DNAJC21: variants seen among roughly 807,000 people sequenced by gnomAD.
DNAJC21 encodes the protein dnaJ homolog subfamily C member 21.
Under a neutral mutation model 72.4 loss-of-function variants are expected in DNAJC21, and 63 were observed. The ratio of observed to expected loss-of-function variants is 0.87; its 90% CI spans 0.71 to 1.07. DNAJC21 has a LOEUF of 1.07. Ranked by LOEUF, DNAJC21 falls within the 50% of genes least tolerant of loss-of-function variation. The pLI is 0.00. For synonymous variants in DNAJC21, 203 were observed against 216.7 expected, an observed-to-expected ratio of 0.94 and a Z score of 0.56; for missense variants, 634 against 644.8, an observed-to-expected ratio of 0.98 and a Z score of 0.18.
At chr5:34,950,580 G>A (rs965925713) in intron 10 of DNAJC21, 28 of 1,135,310 alleles carry the variant, frequency 2.5e-5, no homozygotes, top group Non-Finnish European at 3.0e-5. Context: ...TCAGAAAGAT[G>A]TCACTTTGAT....
chr5:34,953,169 T>G (rs1765433418), intron 10 of DNAJC21, among the ~76,000 whole-genome samples: 1 of 152,046 alleles, frequency 6.6e-6, no homozygotes, highest in Non-Finnish European at 1.5e-5. Context: ...GTTAATGTTT[T>G]TGGGGAACCA....
Position 34,937,576 on chromosome 5 carries a change from A to C in DNAJC21, c.689A>C (p.Glu230Ala), listed in dbSNP as rs761103607. The C allele has an allele frequency of 6.2e-7, 1 of 1,613,948 alleles. No homozygotes were observed. Among genetic ancestry groups the C allele is most frequent in the African/African-American group, 1.3e-5 (1 of 75,044 alleles). Residue 230 changes from glutamate to alanine, a missense_variant, in exon 5 of 12, where the codon GAG becomes GCG. Glu to Ala is a moderately radical substitution (Grantham distance 107). Transcript: ENST00000648817. Reference sequence around the variant, plus strand: ...AAACTTGTGGAAGAACAGAATGCAGAGAAGGCGAGGAAAGCCGAAGAGATG... The same window carrying C: ...AAACTTGTGGAAGAACAGAATGCAGCGAAGGCGAGGAAAGCCGAAGAGATG... ...HRKLVEEQNA[E>A]KARKAEEMRR...
intron 6 of DNAJC21, among the ~76,000 whole-genome samples, chr5:34,940,671 T>C (rs559425622): frequency 7.9e-5 from 12 of 152,322 alleles, no homozygotes; most frequent in African/African-American, 2.9e-4. Flanking sequence ...CGTCTTACAG[T>C]GATGGAATGT....
chr5:34,932,478 G>A (rs547528386), intron 1 of DNAJC21, among the ~76,000 whole-genome samples: 3 of 150,908 alleles, frequency 2.0e-5, no homozygotes, highest in South Asian at 4.2e-4. Context: ...AATGCTTTAC[G>A]TTCTGAATAT....
At chr5:34,941,522 T>C (rs1163515143) in intron 7 of DNAJC21, among the ~76,000 whole-genome samples, 2 of 150,014 alleles carry the variant, frequency 1.3e-5, no homozygotes, top group Non-Finnish European at 3.0e-5. Context: ...TGCATCCAGT[T>C]AAAAGGAGTA....
At position 34,945,704 on chromosome 5, in the gene DNAJC21, T is replaced by TC. The variant is rs772684250; in HGVS notation, c.1143-55dup. The TC allele has an allele frequency of 4.7e-5, 70 of 1,479,250 alleles. No individual in the cohort carries two copies. The South Asian group carries it at 9.4e-4, about 20-fold the overall frequency. 91.6% of individuals were successfully genotyped at this position (1,479,250 alleles called of 1,614,324 possible). A position where few individuals can be genotyped will look rare whatever the true frequency, so the allele number is the denominator to read the frequency against. On this transcript the variant is annotated intron_variant, in intron 8 of 11. Transcript: ENST00000648817. Reference sequence around the variant, plus strand: ...ACTAGTGTTTCAACTTTTTTTTTTTTCCACTTACTCTTCACAGAGTCAAGT... The same window carrying TC: ...ACTAGTGTTTCAACTTTTTTTTTTTTCCCACTTACTCTTCACAGAGTCAAGT...
chr5:34,949,683 C>T (rs752493631), intron 9 of DNAJC21: 1 of 1,613,740 alleles, frequency 6.2e-7, no homozygotes, highest in South Asian at 1.1e-5. Context: ...GACAGGTACG[C>T]TTAGGATATG....
chr5:34,939,029 A>T lies in DNAJC21; in HGVS notation c.895+20A>T. On this transcript the variant is annotated intron_variant, in intron 6 of 11. Coordinates refer to ENST00000648817, the MANE Select transcript of DNAJC21 (RefSeq NM_001012339.3). ...AGGATGGTAATATTATTTTTATTTT[A>T]TTTATCTTTTTTGTTTTTTAAGTGA... The T allele has an allele frequency of 6.7e-7, 1 of 1,492,308 alleles. No individual in the cohort carries two copies. The highest frequency in any genetic ancestry group is 8.9e-7 in the Non-Finnish European group (1 of 1,122,836). The allele number at this position is 1,492,308 out of a possible 1,614,324, so 92.4% of individuals were successfully genotyped here. A position where few individuals can be genotyped will look rare whatever the true frequency, so the allele number is the denominator to read the frequency against.
intron 4 of DNAJC21, among the ~76,000 whole-genome samples, chr5:34,937,087 A>G (rs1448804501): frequency 6.6e-6 from 1 of 152,140 alleles, no homozygotes; most frequent in South Asian, 2.1e-4. Flanking sequence ...CTGATTATTT[A>G]CTAATCACCA....
At chr5:34,934,133 A>AT (rs1764691848) in intron 2 of DNAJC21, among the ~76,000 whole-genome samples, 1 of 152,146 alleles carries the variant, frequency 6.6e-6, no homozygotes, top group Admixed American at 6.5e-5. Flanking sequence ...GTTTGGTGAT[A>AT]TTATATAGTT....
intron 9 of DNAJC21, chr5:34,949,595 G>A: frequency 6.3e-7 from 1 of 1,585,512 alleles, no homozygotes; most frequent in African/African-American, 1.3e-5. Context: ...CAGATGGCTT[G>A]GGGAAAAAAG....
At chr5:34,945,880 T>C in intron 9 of DNAJC21, 77 bp downstream of exon 9, 3 of 978,952 alleles carry the variant, frequency 3.1e-6, no homozygotes. Flanking sequence ...GTGTAGTCTG[T>C]GTTAAGGAGA....
chr5:34,937,821 AGT>A lies in DNAJC21; in HGVS notation c.743+194_743+195del, dbSNP rs539787563. Among the ~76,000 whole-genome samples, 18 of 152,278 alleles carry A rather than the reference AGT, an allele frequency of 1.2e-4. No homozygotes were observed. In the South Asian group the frequency reaches 3.7e-3, roughly 32 times the overall value. On this transcript the variant is annotated intron_variant, in intron 5 of 11. Coordinates refer to ENST00000648817, the MANE Select transcript of DNAJC21 (RefSeq NM_001012339.3). ...TAAAAATTATTATTATTTTTGGGACAGTGTCATTCTGTCACCCAGGCTGGAGT... is the reference window on the plus strand; with the variant it reads ...TAAAAATTATTATTATTTTTGGGACAGTCATTCTGTCACCCAGGCTGGAGT...
At position 34,944,873 on chromosome 5, in the gene DNAJC21, G is replaced by T. The variant is rs140649442; in HGVS notation, c.990G>T (p.Lys330Asn). The T allele has an allele frequency of 3.7e-5, 59 of 1,613,982 alleles. No individual in the cohort carries two copies. The highest frequency in any genetic ancestry group is 5.0e-5 in the Admixed American group (3 of 60,000). Residue 330 changes from lysine (K) to asparagine (N), a missense_variant, in exon 8 of 12, where the codon AAG becomes AAT. Lys to Asn is a moderately conservative substitution (Grantham distance 94). Coordinates refer to ENST00000648817, the MANE Select transcript of DNAJC21 (RefSeq NM_001012339.3). ...DKSFKTEKAM[K>N]NHEKSKKHRE... ...CGTCAGATTGCTCTTTCAGCATGAAGAATCACGAGAAGTCAAAGAAGCATC... is the reference window on the plus strand; with the variant it reads ...CGTCAGATTGCTCTTTCAGCATGAATAATCACGAGAAGTCAAAGAAGCATC...
intron 9 of DNAJC21, among the ~76,000 whole-genome samples, chr5:34,946,093 A>G (rs1372702682): frequency 6.6e-6 from 1 of 152,192 alleles, no homozygotes; most frequent in Non-Finnish European, 1.5e-5. Flanking sequence ...AAATCTGAAT[A>G]CATCTCACAA....
chr5:34,929,779 C>A lies in DNAJC21; in HGVS notation c.-41C>A. 1 of 1,163,036 alleles carries A rather than the reference C, an allele frequency of 8.6e-7. No homozygotes were observed. Among genetic ancestry groups the A allele is most frequent in the South Asian group, 2.2e-5 (1 of 45,470 alleles). 72.0% of individuals were successfully genotyped at this position (1,163,036 alleles called of 1,614,324 possible). On this transcript the variant is annotated 5_prime_UTR_variant, in exon 1 of 12. Transcript: ENST00000648817. ...TTCGGCCCGGGCCCGGGCCCCGACC[C>A]CGTCCCGGGCCCCAGCGCCGGCCGC...
In DNAJC21 at chr5:34,943,523, TTTAC is replaced by T. The variant is rs1765068369; in HGVS notation, c.984-1342_984-1339del. Among the ~76,000 whole-genome samples the T allele has an allele frequency of 2.0e-5, 3 of 152,206 alleles. No homozygotes were observed. In the South Asian group the frequency reaches 6.2e-4, roughly 31 times the overall value. Reference sequence around the variant, plus strand: ...CTAATTTTACTACTATACTACTAATTTTACTATAGAGTTAGTATTTTTTCCCTTG... The same window carrying T: ...CTAATTTTACTACTATACTACTAATTTATAGAGTTAGTATTTTTTCCCTTG... On this transcript the variant is annotated intron_variant, in intron 7 of 11. Coordinates refer to ENST00000648817, the MANE Select transcript of DNAJC21 (RefSeq NM_001012339.3).
intron 7 of DNAJC21, 93 bp from the exon 8 acceptor site, chr5:34,944,774 G>A: frequency 1.3e-6 from 2 of 1,541,858 alleles, no homozygotes; most frequent in Admixed American, 2.3e-5. Flanking sequence ...TGGGAAAAAA[G>A]CTAATTTTAT....
intron 9 of DNAJC21, 104 bp from the exon 10 acceptor site, chr5:34,950,066 C>T: frequency 1.6e-6 from 2 of 1,277,206 alleles, no homozygotes; most frequent in South Asian, 3.7e-5. Flanking sequence ...ACCTGCTTCT[C>T]CTTTTTATTT....
Sources: allele counts gnomAD v4.1 joint callset (sites outside exome capture counted in the v4.1 genomes callset), GRCh38; gene constraint gnomAD v4.1.1; transcripts MANE v1.5; gene names NCBI Gene and HGNC (gene_info 2026-07-23, HGNC 2026-07-21).